The following USP34 variants were observed in gnomAD, a reference collection of about 807,000 sequenced individuals.
USP34 encodes ubiquitin carboxyl-terminal hydrolase 34.
A neutral mutation model predicts 460.3 loss-of-function variants in USP34; 70 were observed. The ratio of observed to expected loss-of-function variants is 0.15; its 90% confidence interval spans 0.13 to 0.19. USP34 has a LOEUF of 0.19. USP34 is among the 10% of genes least tolerant of loss of function. USP34 has a pLI of 1.00. For synonymous variants in USP34, 1,647 were observed against 1,405.3 expected (o/e 1.17, Z -3.85); for missense variants, 3,985 against 4,236.2 (o/e 0.94, Z 1.65).
intron 54 of USP34, 40 bp from the exon 55 acceptor site, chr2:61,236,276 A>G: frequency 1.3e-6 from 2 of 1,594,294 alleles, no homozygotes; most frequent in Non-Finnish European, 1.7e-6. Flanking sequence ...CACACGTAAG[A>G]TTTTTTTAAA....
chr2:61,305,537 T>A (rs1215638411), intron 27 of USP34, among the ~76,000 whole-genome samples: 1 of 151,754 alleles, frequency 6.6e-6, no homozygotes, highest in Non-Finnish European at 1.5e-5. Context: ...GCCTTAGAAA[T>A]CAGCAACACC....
chr2:61,341,794 T>C (rs1186556090), intron 16 of USP34, among the ~76,000 whole-genome samples: 1 of 140,842 alleles, frequency 7.1e-6, no homozygotes, highest in Non-Finnish European at 1.5e-5. Flanking sequence ...GCAGTCTCGC[T>C]GTGTTGCCCA....
chr2:61,464,191 C>T (rs376929607), intron 1 of USP34, among the ~76,000 whole-genome samples: 25 of 151,954 alleles, frequency 1.6e-4, no homozygotes, highest in African/African-American at 5.8e-4. Context: ...TGGTGGCAGG[C>T]GCCTCTAATT....
chr2:61,206,169 C>A, intron 71 of USP34, 45 bp from the exon 72 acceptor site: 1 of 1,508,620 alleles, frequency 6.6e-7, no homozygotes, highest in Non-Finnish European at 9.2e-7. Flanking sequence ...TGAGATCAAA[C>A]TTCCTCACAA....
intron 1 of USP34, among the ~76,000 whole-genome samples, chr2:61,455,459 T>A (rs1695409910): frequency 6.6e-6 from 1 of 152,070 alleles, no homozygotes; most frequent in Admixed American, 6.6e-5. Context: ...ATTACAGGGT[T>A]TTTTTGTTTT....
At position 61,405,707 on chromosome 2, in the gene USP34, C is replaced by T; in HGVS notation, c.552+1G>A. On this transcript the variant is annotated splice_donor_variant, in intron 3 of 79. Transcript: ENST00000398571. LOFTEE classifies it high-confidence loss of function. ...AAATTCACACCACCTATTTTACATA[C>T]CTCAATAGTAGGGTGAGTATTATGC... The T allele has an allele frequency of 6.5e-7, 1 of 1,528,516 alleles. No individual in the cohort carries two copies. 94.7% of individuals were successfully genotyped at this position (1,528,516 alleles called of 1,614,324 possible).
intron 1 of USP34, among the ~76,000 whole-genome samples, chr2:61,465,845 C>T (rs564889124): frequency 8.6e-5 from 13 of 151,930 alleles, no homozygotes; most frequent in African/African-American, 3.1e-4. Context: ...GGCGTGGTAG[C>T]GGGCGCCTGT....
Position 61,223,235 on chromosome 2 carries a change from G to T in USP34, c.7644+13C>A. 6.2e-7 allele frequency: 1 copy of T among 1,613,934 alleles called. No homozygotes were observed. Among genetic ancestry groups the T allele is most frequent in the African/African-American group, 1.3e-5 (1 of 75,032 alleles). On this transcript the variant is annotated intron_variant, in intron 63 of 79. Transcript: ENST00000398571. The stretch of plus-strand genomic sequence containing the variant: ...GTGATGATCAAATTGTCTAATATTA[G>T]AGAATGTACTACCTTTCCTCCTGTT...
chr2:61,448,525 T>C (rs1029140603), intron 1 of USP34, among the ~76,000 whole-genome samples: 2 of 152,206 alleles, frequency 1.3e-5, no homozygotes, highest in African/African-American at 4.8e-5. Flanking sequence ...GGGACCTCCA[T>C]GGTTGACAGA....
chr2:61,317,506 AAC>A, intron 23 of USP34, 146 bp downstream of exon 23: 1 of 621,722 alleles, frequency 1.6e-6, no homozygotes, highest in South Asian at 2.2e-5. Flanking sequence ...CAGCCTGAGC[AAC>A]AGAGATAGAC....
intron 1 of USP34, among the ~76,000 whole-genome samples, chr2:61,429,395 C>A (rs1478309237): frequency 2.0e-5 from 3 of 151,786 alleles, no homozygotes; most frequent in African/African-American, 4.8e-5. Flanking sequence ...TGCAGTGAGC[C>A]AAGATTGCAC....
chr2:61,348,016 A>G lies in USP34; in HGVS notation c.2139T>C (p.His713=), dbSNP rs767403556. Reference sequence around the variant, plus strand: ...AAGACTCCTGAGACCCTTGTGCTATATGAGTAGCATTCATTTCCCCTGAAA... The same window carrying G: ...AAGACTCCTGAGACCCTTGTGCTATGTGAGTAGCATTCATTTCCCCTGAAA... ...HDISGEMNAT[H]IAQGSQESCI... The change falls in exon 15 of 80, where the codon CAT becomes CAC. Residue 713 remains histidine, a synonymous_variant. Transcript: ENST00000398571. The G allele has an allele frequency of 1.2e-6, 2 of 1,614,160 alleles. No individual in the cohort carries two copies. Among genetic ancestry groups the G allele is most frequent in the South Asian group, 1.1e-5 (1 of 91,088 alleles).
chr2:61,397,083 G>C (rs1398358021), intron 3 of USP34, among the ~76,000 whole-genome samples: 2 of 151,946 alleles, frequency 1.3e-5, no homozygotes, highest in South Asian at 2.1e-4. Context: ...TTTGAGAAGA[G>C]AATGAAGAAA....
chr2:61,455,388 G>C (rs955429909), intron 1 of USP34, among the ~76,000 whole-genome samples: 1 of 152,044 alleles, frequency 6.6e-6, no homozygotes, highest in Non-Finnish European at 1.5e-5. Flanking sequence ...ATGTTGCCCA[G>C]GCTGGTCTCG....
In USP34 at chr2:61,288,607, C is replaced by T. The variant is rs961963328; in HGVS notation, c.4749+70G>A. The T allele has an allele frequency of 3.4e-6, 5 of 1,484,268 alleles. No individual in the cohort carries two copies. In the Admixed American group the frequency reaches 8.4e-5, roughly 25 times the overall value. The allele number at this position is 1,484,268 out of a possible 1,614,324, so 91.9% of individuals were successfully genotyped here. ...AGTAATCTAGAATACATTTCTTAAG[C>T]ATTAGCATATTTCTTCAGTTTATAA... On this transcript the variant is annotated intron_variant, in intron 34 of 79. Coordinates refer to ENST00000398571, the MANE Select transcript of USP34 (RefSeq NM_014709.4).
intron 27 of USP34, among the ~76,000 whole-genome samples, chr2:61,305,410 TGTG>T (rs1254693864): frequency 6.6e-6 from 1 of 151,810 alleles, no homozygotes; most frequent in Non-Finnish European, 1.5e-5. Flanking sequence ...AAAATAAACT[TGTG>T]ATGAACAGCA....
At chr2:61,436,043 A>G (rs1326202046) in intron 1 of USP34, among the ~76,000 whole-genome samples, 1 of 152,086 alleles carries the variant, frequency 6.6e-6, no homozygotes, top group African/African-American at 2.4e-5. Context: ...ATATATATAA[A>G]AAATAGAAGT....
chr2:61,466,925 A>G (rs1558612557), intron 1 of USP34, among the ~76,000 whole-genome samples: 1 of 151,744 alleles, frequency 6.6e-6, no homozygotes, highest in Non-Finnish European at 1.5e-5. Context: ...AAAATTTATT[A>G]CACTCGTTTG....
rs561392046 is a variant in USP34 at position 61,301,481 on chromosome 2, A to G, written c.3818-27T>C. The G allele has an allele frequency of 9.4e-6, 15 of 1,592,592 alleles. No individual in the cohort carries two copies. The African/African-American group carries it at 2.0e-4, about 21-fold the overall frequency. On this transcript the variant is annotated intron_variant, in intron 27 of 79. Coordinates refer to ENST00000398571, the MANE Select transcript of USP34 (RefSeq NM_014709.4). Reference sequence around the variant, plus strand: ...TTAAAAACAGCAAAACATGGAAATGAATTTGTTTTTAAGAATTAACTTACT... The same window carrying G: ...TTAAAAACAGCAAAACATGGAAATGGATTTGTTTTTAAGAATTAACTTACT...
Sources: gnomAD v4.1 joint callset for allele counts (sites outside exome capture counted in the v4.1 genomes callset) on GRCh38, gnomAD v4.1.1 for gene constraint, MANE v1.5 for transcripts, NCBI Gene and HGNC (gene_info 2026-07-23, HGNC 2026-07-21) for gene names.